Variants in NUDT16 observed in about 807,000 individuals in gnomAD.
NUDT16 encodes nudix hydrolase 16, also known as U8 snoRNA-decapping enzyme.
Under a neutral mutation model 11.7 loss-of-function variants are expected in NUDT16, and 12 were observed. The ratio of observed to expected loss-of-function variants is 1.03; its 90% CI spans 0.66 to 1.67. The LOEUF is 1.67. NUDT16 is among the 40% of genes most tolerant of loss of function. The pLI is 0.00. For missense variants in NUDT16, 303 were observed against 268.9 expected (o/e 1.13, Z -0.89); for synonymous variants, 129 against 122.6 (o/e 1.05, Z -0.35).
Position 131,382,301 on chromosome 3 carries a change from G to T in NUDT16, c.394G>T (p.Asp132Tyr). 4 of 1,613,004 alleles carry T rather than the reference G, an allele frequency of 2.5e-6. No individual in the cohort carries two copies. Among genetic ancestry groups the T allele is most frequent in the Non-Finnish European group, 3.4e-6 (4 of 1,180,016 alleles). Residue 132 changes from aspartate to tyrosine, a missense_variant, in exon 2 of 3, where the codon GAC becomes TAC. Coordinates refer to ENST00000521288, the MANE Select transcript of NUDT16 (RefSeq NM_152395.3). ...GGAGGCCGGCGCAACACGCGCCAAG[G>T]ACCACGGGCTGGAGGTGGGACCAGC... ...AVEAGATRAK[D>Y]HGLEVLGLVR...
In NUDT16 at chr3:131,383,065, G is replaced by T; in HGVS notation, c.409-97G>T. 2.2e-6 allele frequency: 3 copies of T among 1,336,906 alleles called. No homozygotes were observed. The highest frequency in any genetic ancestry group is 3.1e-6 in the Non-Finnish European group (3 of 967,634). The allele number at this position is 1,336,906 out of a possible 1,614,324, so 82.8% of individuals were successfully genotyped here. ...GAGCCTTGGGCCTGGTTCTGCTGGA[G>T]TATTAAGGGGTGAGGCCTGATCTGC... On this transcript the variant is annotated intron_variant, in intron 2 of 2. Coordinates refer to ENST00000521288, the MANE Select transcript of NUDT16 (RefSeq NM_152395.3). The surrounding 1 kb of genome is among the most constrained non-coding windows in gnomAD (Gnocchi z 4.4).
chr3:131,383,333 C>T lies in NUDT16; in HGVS notation c.580C>T (p.His194Tyr), dbSNP rs761920494. The T allele has an allele frequency of 1.1e-5, 17 of 1,614,010 alleles. No individual in the cohort carries two copies. Among genetic ancestry groups the T allele is most frequent in the Non-Finnish European group, 1.4e-5 (17 of 1,179,988 alleles). The change falls in exon 3 of 3, where the codon CAT becomes TAT. Residue 194 changes from histidine (H) to tyrosine (Y), a missense_variant. His to Tyr is a moderately conservative substitution (Grantham distance 83). Transcript: ENST00000521288. The surrounding 1 kb of genome is among the most constrained non-coding windows in gnomAD (Gnocchi z 4.4). ...TATTTCAGGCCTTAAGATTCCAGCTCATCACTAGAGGCAGCCCTCCATGGA... is the reference window on the plus strand; with the variant it reads ...TATTTCAGGCCTTAAGATTCCAGCTTATCACTAGAGGCAGCCCTCCATGGA... ...GSISGLKIPA[H>Y]H
At chr3:131,382,700 TTATG>T in intron 2 of NUDT16, 1 of 1,427,882 alleles carries the variant, frequency 7.0e-7, no homozygotes, top group Non-Finnish European at 9.1e-7. Flanking sequence ...AGTAGATAGA[TTATG>T]TATGAAGGTG....
Position 131,383,396 on chromosome 3 carries a change from G to T in NUDT16, c.*55G>T. 1 of 1,608,496 alleles carries T rather than the reference G, an allele frequency of 6.2e-7. No homozygotes were observed. On this transcript the variant is annotated 3_prime_UTR_variant, in exon 3 of 3. Coordinates refer to ENST00000521288, the MANE Select transcript of NUDT16 (RefSeq NM_152395.3). The surrounding 1 kb of genome is among the most constrained non-coding windows in gnomAD (Gnocchi z 4.4). ...GAGATGAGGACCTTGGTACTAGGGAGGGAGGGAAGGACGTGGGAATGTTTT... is the reference window on the plus strand; with the variant it reads ...GAGATGAGGACCTTGGTACTAGGGATGGAGGGAAGGACGTGGGAATGTTTT...
At chr3:131,382,939 G>T in intron 2 of NUDT16, 1 of 616,938 alleles carries the variant, frequency 1.6e-6, no homozygotes, top group Non-Finnish European at 2.8e-6. Flanking sequence ...GCCACTAGAG[G>T]TTTAGAAGCA....
At chr3:131,381,730 C>A, upstream of NUDT16, 1 of 1,481,926 alleles carries the variant, frequency 6.7e-7, no homozygotes, top group South Asian at 1.2e-5. Flanking sequence ...ACCGCCCAGG[C>A]TCGGATTGGT....
Position 131,381,868 on chromosome 3 carries a change from G to T in NUDT16, c.64G>T (p.Ala22Ser). Residue 22 changes from alanine to serine, a missense_variant, in exon 1 of 3, where the codon GCG becomes TCG. Transcript: ENST00000521288. ...GGCGCTGGGGTCGGGCTGGCGTCAT[G>T]CGTGCCACGCTCTCCTCTACGCGCC... The part of the protein sequence containing the change: ...ALALGSGWRH[A>S]CHALLYAPDP... 1.2e-6 allele frequency: 2 copies of T among 1,606,386 alleles called. No individual in the cohort carries two copies. The highest frequency in any genetic ancestry group is 1.1e-5 in the South Asian group (1 of 90,822).
Position 131,383,250 on chromosome 3 carries a change from C to G in NUDT16, c.497C>G (p.Ser166Cys), listed in dbSNP as rs1340084217. ...TTCCTGGAGAATTCCTTTATTGGCTCTGCGCGGGAGCAGTTACTTGAAGCT... is the reference window on the plus strand; with the variant it reads ...TTCCTGGAGAATTCCTTTATTGGCTGTGCGCGGGAGCAGTTACTTGAAGCT... ...PTFLENSFIG[S>C]AREQLLEALQ... Residue 166 changes from serine (S) to cysteine (C), a missense_variant, in exon 3 of 3, where the codon TCT (serine) becomes TGT (cysteine). Physicochemically the swap from Ser to Cys is moderately radical, Grantham distance 112 (BLOSUM62 -1). Coordinates refer to ENST00000521288, the MANE Select transcript of NUDT16 (RefSeq NM_152395.3). The surrounding 1 kb of genome is among the most constrained non-coding windows in gnomAD (Gnocchi z 4.4). 6.2e-7 allele frequency: 1 copy of G among 1,614,138 alleles called. No homozygotes were observed. The highest frequency in any genetic ancestry group is 8.5e-7 in the Non-Finnish European group (1 of 1,180,026).
In NUDT16 at chr3:131,381,814, G is replaced by T. The variant is rs566228366; in HGVS notation, c.10G>T (p.Ala4Ser). The change falls in exon 1 of 3, where the codon GCC (alanine) becomes TCC (serine). Residue 4 changes from alanine (A) to serine (S), a missense_variant. Coordinates refer to ENST00000521288, the MANE Select transcript of NUDT16 (RefSeq NM_152395.3). ...GGAGCAGTGTCCGGCCATGGCCGGAGCCCGCAGGCTGGAGCTAGGCGAGGC... is the reference window on the plus strand; with the variant it reads ...GGAGCAGTGTCCGGCCATGGCCGGATCCCGCAGGCTGGAGCTAGGCGAGGC... MAG[A>S]RRLELGEALA... 2,349 of 1,561,972 alleles carry T rather than the reference G, an allele frequency of 1.5e-3. 9 individuals are homozygous for T. The highest frequency in any genetic ancestry group is 6.1e-3 in the South Asian group (532 of 87,158).
Position 131,382,259 on chromosome 3 carries a change from G to C in NUDT16, c.352G>C (p.Glu118Gln), listed in dbSNP as rs764633283. 2 of 1,612,446 alleles carry C rather than the reference G, an allele frequency of 1.2e-6. No homozygotes were observed. The highest frequency in any genetic ancestry group is 1.7e-6 in the Non-Finnish European group (2 of 1,179,626). Reference sequence around the variant, plus strand: ...CTTCTATGCCAAGCGTCTGACGCTCGAGGAGCTGTTGGCTGTGGAGGCCGG... The same window carrying C: ...CTTCTATGCCAAGCGTCTGACGCTCCAGGAGCTGTTGGCTGTGGAGGCCGG... ...AHFYAKRLTLEELLAVEAGAT... is the reference protein window; with the variant it reads ...AHFYAKRLTLQELLAVEAGAT... Residue 118 changes from glutamate (E) to glutamine (Q), a missense_variant, in exon 2 of 3, where the codon GAG becomes CAG. Glu to Gln is a conservative substitution (Grantham distance 29). Coordinates refer to ENST00000521288, the MANE Select transcript of NUDT16 (RefSeq NM_152395.3).
chr3:131,383,118 A>T lies in NUDT16; in HGVS notation c.409-44A>T, dbSNP rs1460330347. On this transcript the variant is annotated intron_variant, in intron 2 of 2. Coordinates refer to ENST00000521288, the MANE Select transcript of NUDT16 (RefSeq NM_152395.3). The surrounding 1 kb of genome is among the most constrained non-coding windows in gnomAD (Gnocchi z 4.4). ...GAGAAAGGATGGAGTTAAGGGAATGAGCCACCTGGGGCCCTAGTGTCTCCT... is the reference window on the plus strand; with the variant it reads ...GAGAAAGGATGGAGTTAAGGGAATGTGCCACCTGGGGCCCTAGTGTCTCCT... 5.7e-6 allele frequency: 9 copies of T among 1,588,414 alleles called. No individual in the cohort carries two copies. Among genetic ancestry groups the T allele is most frequent in the Non-Finnish European group, 7.7e-6 (9 of 1,166,914 alleles).
Position 131,383,583 on chromosome 3 carries a change from G to C in NUDT16, c.*242G>C, listed in dbSNP as rs2097457585. On this transcript the variant is annotated 3_prime_UTR_variant, in exon 3 of 3. Coordinates refer to ENST00000521288, the MANE Select transcript of NUDT16 (RefSeq NM_152395.3). The surrounding 1 kb of genome is among the most constrained non-coding windows in gnomAD (Gnocchi z 4.4). ...GGTTCTCAGAGCCTGCCTCCTCCCT[G>C]TTTATATGCGTACAGCCTGGTAACC... 1.4e-6 allele frequency: 1 copy of C among 725,520 alleles called. No homozygotes were observed. The highest frequency in any genetic ancestry group is 2.8e-5 in the Admixed American group (1 of 35,924). 44.9% of individuals were successfully genotyped at this position (725,520 alleles called of 1,614,324 possible). A position where few individuals can be genotyped will look rare whatever the true frequency, so the allele number is the denominator to read the frequency against.
At position 131,383,031 on chromosome 3, in the gene NUDT16, G is replaced by C. The variant is rs532772686; in HGVS notation, c.409-131G>C. ...CAGAAGGTTGGGCCACTAGGCTTTAGTGAGGTGTGAGCCTTGGGCCTGGTT... is the reference window on the plus strand; with the variant it reads ...CAGAAGGTTGGGCCACTAGGCTTTACTGAGGTGTGAGCCTTGGGCCTGGTT... On this transcript the variant is annotated intron_variant, in intron 2 of 2. Transcript: ENST00000521288. The surrounding 1 kb of genome is among the most constrained non-coding windows in gnomAD (Gnocchi z 4.4). The C allele has an allele frequency of 7.8e-5, 77 of 992,858 alleles. No homozygotes were observed. In the African/African-American group the frequency reaches 1.0e-3, roughly 13 times the overall value. The allele number at this position is 992,858 out of a possible 1,614,324, so 61.5% of individuals were successfully genotyped here.
At chr3:131,382,375 TC>T (rs745586284) in intron 2 of NUDT16, 60 bp downstream of exon 2, 8 of 1,603,712 alleles carry the variant, frequency 5.0e-6, no homozygotes, top group South Asian at 2.2e-5. Context: ...AAGCTTTCTC[TC>T]CCCCAAGAAA....
chr3:131,383,180 G>T lies in NUDT16; in HGVS notation c.427G>T (p.Val143Leu). The T allele has an allele frequency of 6.2e-7, 1 of 1,612,646 alleles. No individual in the cohort carries two copies. ...HGLEVLGLVRVPLYTLRDGVG... is the reference protein window; with the variant it reads ...HGLEVLGLVRLPLYTLRDGVG... ...TTTACAGGTGCTGGGCCTGGTGCGA[G>T]TGCCCCTGTATACCCTGCGGGATGG... Residue 143 changes from valine (V) to leucine (L), a missense_variant, in exon 3 of 3, where the codon GTG becomes TTG. By Grantham distance (32) the Val-to-Leu change is conservative. Coordinates refer to ENST00000521288, the MANE Select transcript of NUDT16 (RefSeq NM_152395.3). This position sits in a 1 kb window ranked among gnomAD's most constrained non-coding sequence, Gnocchi z 4.4.
intron 2 of NUDT16, chr3:131,382,807 G>T (rs2097456883): frequency 2.1e-6 from 2 of 973,338 alleles, no homozygotes; most frequent in Middle Eastern, 3.3e-4. Flanking sequence ...TGGGGCGGGG[G>T]GAGAGGAAAC....
rs746475911 is a variant in NUDT16 at position 131,381,800 on chromosome 3, C to G, written c.-5C>G. 6 of 1,547,318 alleles carry G rather than the reference C, an allele frequency of 3.9e-6. 1 individual carries two copies. Among genetic ancestry groups the G allele is most frequent in the Non-Finnish European group, 5.2e-6 (6 of 1,152,950 alleles). On this transcript the variant is annotated 5_prime_UTR_variant, in exon 1 of 3. Transcript: ENST00000521288. ...TTCGGGACAGCAGAGGAGCAGTGTC[C>G]GGCCATGGCCGGAGCCCGCAGGCTG...
In NUDT16 at chr3:131,383,632, T is replaced by C; in HGVS notation, c.*291T>C. The stretch of plus-strand genomic sequence containing the variant: ...CCCCCAGGCATGCAAATATACAATC[T>C]GTAACAACACACAGCCTGACACCTT... On this transcript the variant is annotated 3_prime_UTR_variant, in exon 3 of 3. Coordinates refer to ENST00000521288, the MANE Select transcript of NUDT16 (RefSeq NM_152395.3). This position sits in a 1 kb window ranked among gnomAD's most constrained non-coding sequence, Gnocchi z 4.4. 1.7e-6 allele frequency: 1 copy of C among 602,628 alleles called. No individual in the cohort carries two copies. Among genetic ancestry groups the C allele is most frequent in the Non-Finnish European group, 2.9e-6 (1 of 342,180 alleles). 37.3% of individuals were successfully genotyped at this position (602,628 alleles called of 1,614,324 possible). A position where few individuals can be genotyped will look rare whatever the true frequency, so the allele number is the denominator to read the frequency against.
rs1333726347 is a variant in NUDT16, at chr3:131,386,452, C to T, written c.*3111C>T. The T allele has an allele frequency of 1.3e-5, 2 of 152,346 alleles. No homozygotes were observed. The highest frequency in any genetic ancestry group is 2.4e-5 in the African/African-American group (1 of 41,460). The allele number at this position is 152,346 out of a possible 1,614,324, so 9.4% of individuals were successfully genotyped here. On this transcript the variant is annotated 3_prime_UTR_variant, in exon 3 of 3. Coordinates refer to ENST00000521288, the MANE Select transcript of NUDT16 (RefSeq NM_152395.3). ...CCACTAACTGCTGTGGTGACTTTGA[C>T]CCAAGCCCTTGACCTCCTTTTCCTT...
Sources: allele counts gnomAD v4.1 joint callset, GRCh38; gene constraint gnomAD v4.1.1; non-coding constraint Gnocchi (gnomAD v3.1); transcripts MANE v1.5; gene names NCBI Gene and HGNC (gene_info 2026-07-23, HGNC 2026-07-21).